The following ROBO2 variants were observed in gnomAD, a reference collection of about 807,000 sequenced individuals.
ROBO2 encodes the protein roundabout homolog 2.
A neutral mutation model predicts 160.8 loss-of-function variants in ROBO2; 53 were observed. That is an observed-to-expected ratio of 0.33 (90% CI 0.26 to 0.41). The LOEUF is 0.41. Ranked by LOEUF, ROBO2 falls within the 10% of genes least tolerant of loss-of-function variation. The pLI, the probability that ROBO2 is intolerant of heterozygous loss-of-function variation, is 1.00. For missense variants in ROBO2, 1,577 were observed against 1,722.4 expected (o/e 0.92, Z 1.49); for synonymous variants, 664 against 611.7 (o/e 1.09, Z -1.26).
At chr3:76,764,125 T>G (rs1560520079) in intron 2 of ROBO2, among the ~76,000 whole-genome samples, 1 of 151,752 alleles carries the variant, frequency 6.6e-6, no homozygotes, top group Admixed American at 6.6e-5. Flanking sequence ...AAGCTTTGTG[T>G]GTTTTGTCCT....
chr3:76,293,287 C>T (rs187857225), intron 2 of ROBO2, among the ~76,000 whole-genome samples: 10 of 152,252 alleles, frequency 6.6e-5, no homozygotes, highest in Non-Finnish European at 1.0e-4. Context: ...AATAAATGTT[C>T]GGAAAAATCA....
chr3:77,237,898 A>G (rs936129618), intron 2 of ROBO2, among the ~76,000 whole-genome samples: 1 of 152,120 alleles, frequency 6.6e-6, no homozygotes, highest in South Asian at 2.1e-4. Context: ...CCTTGTCAGC[A>G]TTTGGTGGTG....
intron 2 of ROBO2, among the ~76,000 whole-genome samples, chr3:76,484,844 A>G (rs1416766068): frequency 6.6e-6 from 1 of 152,186 alleles, no homozygotes; most frequent in East Asian, 1.9e-4. Context: ...AGAATTTTCT[A>G]CATAAAAAAG....
chr3:77,634,659 G>A, intron 23 of ROBO2: 1 of 562,760 alleles, frequency 1.8e-6, no homozygotes, highest in Admixed American at 2.9e-5. Flanking sequence ...GGGGCCAGTG[G>A]GGGTGTTGTT....
Position 76,206,665 on chromosome 3 carries a change from G to A in ROBO2, c.109+269063G>A, listed in dbSNP as rs139000894. ...GCTTGAGTGCAAGGAATAGTCTTGG[G>A]TATTTCCTTCATTGAGCTTTACTTT... On this transcript the variant is annotated intron_variant, in intron 2 of 26. Coordinates refer to the ROBO2 transcript ENST00000487694. Among the ~76,000 whole-genome samples, 468 of 152,086 alleles carry A rather than the reference G, an allele frequency of 3.1e-3. 7 individuals are homozygous for A. Among genetic ancestry groups the A allele is most frequent in the Admixed American group, 0.022 (339 of 15,182 alleles).
Position 76,326,178 on chromosome 3 carries a change from C to T in ROBO2, c.109+388576C>T, listed in dbSNP as rs935277152. Among the ~76,000 whole-genome samples, 5 of 152,108 alleles carry T rather than the reference C, an allele frequency of 3.3e-5. No individual in the cohort carries two copies. The East Asian group carries it at 5.8e-4, about 18-fold the overall frequency. On this transcript the variant is annotated intron_variant, in intron 2 of 26. Transcript: ENST00000487694. ...TCATAGCGTGTTGGCAGAGGTTAGA[C>T]ACTAAGTAAGCTTAAGGTTTAATTT...
At chr3:76,048,068 C>G (rs1264489859) in intron 2 of ROBO2, among the ~76,000 whole-genome samples, 1 of 152,042 alleles carries the variant, frequency 6.6e-6, no homozygotes, top group Non-Finnish European at 1.5e-5. Context: ...GTATTAGAGG[C>G]TTTTCATATA....
chr3:76,273,133 A>ATG (rs1707694268), intron 2 of ROBO2, among the ~76,000 whole-genome samples: 1 of 128,876 alleles, frequency 7.8e-6, no homozygotes, highest in African/African-American at 3.0e-5. Flanking sequence ...ATATATATAT[A>ATG]TATATATATA....
intron 1 of ROBO2, 89 bp downstream of exon 1, chr3:77,040,935 A>G: frequency 1.3e-6 from 2 of 1,525,852 alleles, no homozygotes; most frequent in Non-Finnish European, 1.8e-6. Context: ...GTGGGTTATA[A>G]ATGAAATGAC....
In ROBO2 at chr3:76,931,272, C is replaced by T. The variant is rs9821886; in HGVS notation, c.110-166742C>T. Among the ~76,000 whole-genome samples, 580 of 152,016 alleles carry T rather than the reference C, an allele frequency of 3.8e-3. 5 individuals carry two copies. Among genetic ancestry groups the T allele is most frequent in the African/African-American group, 0.013 (558 of 41,476 alleles). Reference sequence around the variant, plus strand: ...GGTTTTCTAAAAAATAACTTTAAGCCAATTAAGTAAGCAGAACCTAATCAA... The same window carrying T: ...GGTTTTCTAAAAAATAACTTTAAGCTAATTAAGTAAGCAGAACCTAATCAA... On this transcript the variant is annotated intron_variant, in intron 2 of 26. Coordinates refer to the ROBO2 transcript ENST00000487694.
chr3:76,857,350 A>C (rs2070234917), intron 2 of ROBO2, among the ~76,000 whole-genome samples: 1 of 152,168 alleles, frequency 6.6e-6, no homozygotes, highest in Non-Finnish European at 1.5e-5. Context: ...GCTAAATGTA[A>C]TGTAACAGTA....
intron 2 of ROBO2, among the ~76,000 whole-genome samples, chr3:76,122,212 T>G (rs2675409): frequency 0.5 from 76,082 of 151,886 alleles, 20,826 homozygotes; most frequent in South Asian, 0.64. Flanking sequence ...TTAGAGTCAG[T>G]CAAACATGAA....
intron 2 of ROBO2, among the ~76,000 whole-genome samples, chr3:76,413,751 C>T (rs935757318): frequency 2.0e-4 from 30 of 152,294 alleles, no homozygotes; most frequent in African/African-American, 5.5e-4. Flanking sequence ...AAAACTTTCA[C>T]ACATTTTCCT....
At chr3:77,329,208 A>G (rs575181513) in intron 2 of ROBO2, among the ~76,000 whole-genome samples, 1 of 152,366 alleles carries the variant, frequency 6.6e-6, no homozygotes, top group South Asian at 2.1e-4. Flanking sequence ...TGGGAAAAGT[A>G]GTAACACAGC....
intron 1 of ROBO2, among the ~76,000 whole-genome samples, chr3:75,936,022 G>A (rs1947763366): frequency 6.6e-6 from 1 of 152,176 alleles, no homozygotes; most frequent in South Asian, 2.1e-4. Context: ...AAGGCATTTA[G>A]CACAGTAAAA....
intron 1 of ROBO2, among the ~76,000 whole-genome samples, chr3:77,050,855 G>GAA (rs534874803): frequency 7.3e-6 from 1 of 136,116 alleles, no homozygotes; most frequent in Non-Finnish European, 1.6e-5. Flanking sequence ...CAAAAAAAAA[G>GAA]AAAAAAAAAA....
At chr3:76,007,852 T>A (rs1316385903) in intron 2 of ROBO2, among the ~76,000 whole-genome samples, 1 of 152,200 alleles carries the variant, frequency 6.6e-6, no homozygotes, top group Non-Finnish European at 1.5e-5. Flanking sequence ...TTTATCTTAA[T>A]GTATATAAGA....
At chr3:77,064,151 G>A (rs1473284646) in intron 1 of ROBO2, among the ~76,000 whole-genome samples, 2 of 151,908 alleles carry the variant, frequency 1.3e-5, no homozygotes, top group African/African-American at 2.4e-5. Flanking sequence ...TGTTATAAAC[G>A]TTTGATTTTA....
rs141259607 is a variant in ROBO2 at position 76,632,088 on chromosome 3, G to A, written c.110-465926G>A. ...TGATGTGAGACTCTGATATTGTACC[G>A]CCTTTCTCTGCCCTAGGAGTTGAAA... On this transcript the variant is annotated intron_variant, in intron 2 of 26. Coordinates refer to the ROBO2 transcript ENST00000487694. Among the ~76,000 whole-genome samples the A allele has an allele frequency of 8.5e-5, 13 of 152,272 alleles. No individual in the cohort carries two copies. The South Asian group carries it at 1.7e-3, about 19-fold the overall frequency.
Sources: allele counts gnomAD v4.1 joint callset (sites outside exome capture counted in the v4.1 genomes callset), GRCh38; gene constraint gnomAD v4.1.1; transcripts MANE v1.5; gene names NCBI Gene and HGNC (gene_info 2026-07-23, HGNC 2026-07-21).